Variants in CSNK1G3 observed in about 807,000 individuals in gnomAD.
CSNK1G3 encodes the protein casein kinase 1 gamma 3.
CSNK1G3 carries 23 observed loss-of-function variants against 64.3 expected under a neutral mutation model. The ratio of observed to expected loss-of-function variants is 0.36; its 90% CI spans 0.26 to 0.51. The LOEUF (loss-of-function observed/expected upper bound fraction) is 0.51. CSNK1G3 is among the 20% of genes least tolerant of loss of function. CSNK1G3 has a pLI of 0.96. For synonymous variants in CSNK1G3, 158 were observed against 162.2 expected, an observed-to-expected ratio of 0.97 and a Z score of 0.20; for missense variants, 357 against 510.5, an observed-to-expected ratio of 0.70 and a Z score of 2.90.
chr5:123,611,337 T>C (rs939089726), intron 12 of CSNK1G3, among the ~76,000 whole-genome samples: 1 of 152,216 alleles, frequency 6.6e-6, no homozygotes, highest in Non-Finnish European at 1.5e-5. Context: ...GCTTTACTTT[T>C]GCAAATCTTT....
intron 6 of CSNK1G3, among the ~76,000 whole-genome samples, chr5:123,577,581 A>G (rs752136314): frequency 2.6e-5 from 4 of 151,764 alleles, no homozygotes; most frequent in Admixed American, 1.3e-4. Context: ...AAATCTGGCT[A>G]TCACTACTTA....
At chr5:123,531,187 C>T (rs1779877282) in intron 1 of CSNK1G3, among the ~76,000 whole-genome samples, 1 of 151,914 alleles carries the variant, frequency 6.6e-6, no homozygotes, top group Non-Finnish European at 1.5e-5. Context: ...TTTAAATTTC[C>T]ATTTGTTGTA....
chr5:123,531,955 A>G (rs1780006628), intron 1 of CSNK1G3, among the ~76,000 whole-genome samples: 1 of 151,776 alleles, frequency 6.6e-6, no homozygotes, highest in Non-Finnish European at 1.5e-5. Flanking sequence ...TTCAAGATGC[A>G]TTTTTCCATT....
intron 12 of CSNK1G3, 126 bp downstream of exon 13, chr5:123,605,488 A>C: frequency 9.5e-7 from 1 of 1,051,476 alleles, no homozygotes; most frequent in Admixed American, 2.5e-5. Flanking sequence ...AAAGTTATTC[A>C]AAAGTATTTG....
intron 4 of CSNK1G3, 55 bp downstream of exon 4, chr5:123,557,619 T>G: frequency 8.6e-7 from 1 of 1,168,474 alleles, no homozygotes; most frequent in East Asian, 2.5e-5. Flanking sequence ...TCATGACTTT[T>G]TAGTTTCAAG....
intron 2 of CSNK1G3, among the ~76,000 whole-genome samples, chr5:123,547,175 GC>G (rs1273680406): frequency 2.0e-5 from 3 of 152,050 alleles, no homozygotes; most frequent in Non-Finnish European, 4.4e-5. Flanking sequence ...TAAAAATAGT[GC>G]CTTATGGAAC....
At chr5:123,548,763 G>A (rs1783072796) in intron 2 of CSNK1G3, among the ~76,000 whole-genome samples, 1 of 151,792 alleles carries the variant, frequency 6.6e-6, no homozygotes, top group African/African-American at 2.4e-5. Flanking sequence ...ATGATAATAA[G>A]GAAGGTGAAT....
At chr5:123,581,360 G>GTTTTTTTTTTTTTTTTTTTTTTT (rs10612602) in intron 6 of CSNK1G3, among the ~76,000 whole-genome samples, 1 of 81,602 alleles carries the variant, frequency 1.2e-5, no homozygotes, top group African/African-American at 5.1e-5. Flanking sequence ...TTTTGGGTTT[G>GTTTTTTTTTTTTTTTTTTTTTTT]TTTTTTTTTT....
intron 10 of CSNK1G3, among the ~76,000 whole-genome samples, chr5:123,595,843 A>C (rs750421740): frequency 2.6e-4 from 40 of 152,070 alleles, no homozygotes; most frequent in Non-Finnish European, 4.9e-4. Context: ...ATATTGTAGA[A>C]ATAGGGAAAG....
chr5:123,536,065 C>T (rs1780745130), intron 1 of CSNK1G3, among the ~76,000 whole-genome samples: 1 of 152,122 alleles, frequency 6.6e-6, no homozygotes, highest in South Asian at 2.1e-4. Context: ...TATTGTGGAA[C>T]AGTTTTGGTT....
At position 123,606,944 on chromosome 5, in the gene CSNK1G3, A is replaced by G. The variant is rs201233086; in HGVS notation, c.1217+1582A>G. ...AATACGATAAAAAAGGTATTTTAAAAAATGGTTAGAGCTTGTAAAGATAAA... is the reference window on the plus strand; with the variant it reads ...AATACGATAAAAAAGGTATTTTAAAGAATGGTTAGAGCTTGTAAAGATAAA... On this transcript the variant is annotated intron_variant, in intron 12 of 12. Transcript: ENST00000345990. 2.0e-5 allele frequency among the ~76,000 whole-genome samples: 3 copies of G among 152,198 alleles called. No individual in the cohort carries two copies. In the East Asian group the frequency reaches 5.8e-4, roughly 29 times the overall value.
chr5:123,548,806 A>G (rs1581057644), intron 2 of CSNK1G3, among the ~76,000 whole-genome samples: 4 of 152,314 alleles, frequency 2.6e-5, no homozygotes, highest in African/African-American at 9.6e-5. Flanking sequence ...ATGGGTTTAC[A>G]TCCTGATAAG....
chr5:123,614,217 G>A (rs1009084329), intron 12 of CSNK1G3, 125 bp from the exon 14 acceptor site: 16 of 759,790 alleles, frequency 2.1e-5, no homozygotes, highest in South Asian at 1.7e-4. Flanking sequence ...TGCTTCATTG[G>A]TGTAATCACT....
At chr5:123,588,406 G>T (rs1381292811) in intron 7 of CSNK1G3, 21 bp from the exon 8 acceptor site, 6 of 1,560,046 alleles carry the variant, frequency 3.8e-6, no homozygotes, top group African/African-American at 1.4e-5. Flanking sequence ...ACATTCTCAA[G>T]ATTTTTTTTT....
intron 7 of CSNK1G3, 38 bp downstream of exon 7, chr5:123,588,191 A>C: frequency 7.4e-7 from 1 of 1,357,196 alleles, no homozygotes; most frequent in Non-Finnish European, 1.1e-6. Context: ...ATTTCATAAA[A>C]TATTAAGATA....
intron 12 of CSNK1G3, among the ~76,000 whole-genome samples, chr5:123,609,274 G>A (rs1428539930): frequency 6.6e-6 from 1 of 152,126 alleles, no homozygotes; most frequent in African/African-American, 2.4e-5. Flanking sequence ...TGATCCTTAG[G>A]AAAATTAATT....
intron 6 of CSNK1G3, among the ~76,000 whole-genome samples, chr5:123,578,994 A>T (rs1324634579): frequency 3.3e-5 from 5 of 152,030 alleles, no homozygotes; most frequent in African/African-American, 1.2e-4. Context: ...AGATAGACAG[A>T]AATGTGAACC....
intron 10 of CSNK1G3, among the ~76,000 whole-genome samples, chr5:123,603,601 A>T (rs919044855): frequency 6.6e-6 from 1 of 152,138 alleles, no homozygotes; most frequent in African/African-American, 2.4e-5. Flanking sequence ...AAATAATTTA[A>T]AATAGGGTGT....
intron 12 of CSNK1G3, among the ~76,000 whole-genome samples, chr5:123,608,655 G>T (rs570646240): frequency 6.6e-6 from 1 of 152,216 alleles, no homozygotes; most frequent in South Asian, 2.1e-4. Context: ...TGGTTGGAAA[G>T]TATACTAACA....
Sources: gnomAD v4.1 joint callset for allele counts (sites outside exome capture counted in the v4.1 genomes callset) on GRCh38, gnomAD v4.1.1 for gene constraint, MANE v1.5 for transcripts, NCBI Gene and HGNC (gene_info 2026-07-23, HGNC 2026-07-21) for gene names.